NCKAP1: variants seen among roughly 807,000 people sequenced by gnomAD.
NCKAP1 encodes nck-associated protein 1.
Under a neutral mutation model 151.2 loss-of-function variants are expected in NCKAP1, and 21 were observed. The observed-to-expected ratio is 0.14, with a 90% confidence interval of 0.10 to 0.20. The LOEUF is 0.20. Among genes scored for constraint, NCKAP1 ranks in the 10% least tolerant of loss-of-function variants. NCKAP1 has a pLI of 1.00. For synonymous variants in NCKAP1, 484 were observed against 451.8 expected (o/e 1.07, Z -0.90); for missense variants, 933 against 1,352.1 (o/e 0.69, Z 4.86).
chr2:183,023,989 T>C, intron 1 of NCKAP1, 73 bp from the exon 2 acceptor site: 2 of 1,121,388 alleles, frequency 1.8e-6, no homozygotes, highest in African/African-American at 1.6e-5. Flanking sequence ...AATCTGCAAT[T>C]AGAAATTAAA....
chr2:183,011,032 G>A (rs1698581301), intron 2 of NCKAP1, among the ~76,000 whole-genome samples: 1 of 152,148 alleles, frequency 6.6e-6, no homozygotes, highest in Admixed American at 6.5e-5. Context: ...GGCCTCAGAT[G>A]CTACTGACTT....
chr2:183,029,820 C>CG (rs1454859751), intron 1 of NCKAP1, among the ~76,000 whole-genome samples: 1 of 78,236 alleles, frequency 1.3e-5, no homozygotes, highest in African/African-American at 6.4e-5. Flanking sequence ...GACCCTGACT[C>CG]GAAAAAAAAA....
At chr2:183,003,557 G>C (rs74370967) in intron 2 of NCKAP1, among the ~76,000 whole-genome samples, 1 of 151,838 alleles carries the variant, frequency 6.6e-6, no homozygotes, top group Non-Finnish European at 1.5e-5. Context: ...ACCAAATTGC[G>C]CTACTATTAA....
In NCKAP1 at chr2:182,911,437, G is replaced by A. The variant is rs2105784502; in HGVS notation, c.*14265C>T. ...TACTATATGAATAAGACCAAAAAATGGCCATCAGTTCATGACTTTATTAAC... is the reference window on the plus strand; with the variant it reads ...TACTATATGAATAAGACCAAAAAATAGCCATCAGTTCATGACTTTATTAAC... On this transcript the variant is annotated 3_prime_UTR_variant, in exon 31 of 31. Transcript: ENST00000361354. The A allele has an allele frequency of 6.6e-6, 1 of 152,164 alleles. No individual in the cohort carries two copies. Among genetic ancestry groups the A allele is most frequent in the African/African-American group, 2.4e-5 (1 of 41,516 alleles). The allele number at this position is 152,164 out of a possible 1,614,324, so 9.4% of individuals were successfully genotyped here.
In NCKAP1 at chr2:182,934,808, G is replaced by A; in HGVS notation, c.2803C>T (p.Leu935Phe). 1.3e-6 allele frequency: 2 copies of A among 1,488,180 alleles called. No homozygotes were observed. Among genetic ancestry groups the A allele is most frequent in the Non-Finnish European group, 1.9e-6 (2 of 1,071,564 alleles). 92.2% of individuals were successfully genotyped at this position (1,488,180 alleles called of 1,614,324 possible). ...RDVLSYHIPF[L>F]VSSIEDFKDH... The stretch of plus-strand genomic sequence containing the variant: ...TTAAAATCTTCAATTGAACTTACAA[G>A]AAAAGGAATGTGGTAGGATAAGACC... Residue 935 changes from leucine (L) to phenylalanine (F), a missense_variant, in exon 26 of 31, where the codon CTT becomes TTT. Coordinates refer to ENST00000361354, the MANE Select transcript of NCKAP1 (RefSeq NM_013436.5).
At chr2:182,981,984 CAAAT>C (rs1301871794) in intron 12 of NCKAP1, among the ~76,000 whole-genome samples, 3 of 148,552 alleles carry the variant, frequency 2.0e-5, no homozygotes, top group African/African-American at 7.4e-5. Context: ...CAAAAAATCT[CAAAT>C]AAAAGAAGAT....
At chr2:183,012,416 A>C (rs1698605765) in intron 2 of NCKAP1, among the ~76,000 whole-genome samples, 1 of 152,176 alleles carries the variant, frequency 6.6e-6, no homozygotes, top group African/African-American at 2.4e-5. Flanking sequence ...AATAAAGCTG[A>C]TGTTTAAATT....
intron 27 of NCKAP1, among the ~76,000 whole-genome samples, chr2:182,929,307 C>T (rs1696712276): frequency 6.6e-6 from 1 of 151,594 alleles, no homozygotes; most frequent in Non-Finnish European, 1.5e-5. Flanking sequence ...AATTATTCTG[C>T]AAAATCACCA....
At chr2:182,973,038 A>G (rs1016558806) in intron 15 of NCKAP1, among the ~76,000 whole-genome samples, 1 of 152,170 alleles carries the variant, frequency 6.6e-6, no homozygotes, top group African/African-American at 2.4e-5. Flanking sequence ...AGAAGAGTAG[A>G]TTTGGAATGT....
At chr2:182,936,619 T>C (rs975341636) in intron 24 of NCKAP1, among the ~76,000 whole-genome samples, 2 of 152,212 alleles carry the variant, frequency 1.3e-5, no homozygotes, top group Admixed American at 1.3e-4. Context: ...TTTAACTTTC[T>C]ACCTTCTGTG....
chr2:182,960,604 T>C (rs913556796), intron 18 of NCKAP1, among the ~76,000 whole-genome samples: 1 of 152,164 alleles, frequency 6.6e-6, no homozygotes, highest in African/African-American at 2.4e-5. Context: ...AAGACTTACA[T>C]GTTAGACCTA....
intron 1 of NCKAP1, among the ~76,000 whole-genome samples, chr2:183,026,165 A>T (rs1042167245): frequency 6.6e-6 from 1 of 152,214 alleles, no homozygotes; most frequent in African/African-American, 2.4e-5. Flanking sequence ...ATTTTGTCCA[A>T]GTCCAGTGGC....
chr2:182,959,343 T>C (rs2058112764), intron 18 of NCKAP1, among the ~76,000 whole-genome samples: 1 of 152,036 alleles, frequency 6.6e-6, no homozygotes, highest in Admixed American at 6.6e-5. Context: ...CTGGTACATC[T>C]TGTCACACCA....
At position 182,924,180 on chromosome 2, in the gene NCKAP1, C is replaced by A. The variant is rs1696596973; in HGVS notation, c.*1522G>T. 1 of 152,114 alleles carries A rather than the reference C, an allele frequency of 6.6e-6. No individual in the cohort carries two copies. Among genetic ancestry groups the A allele is most frequent in the African/African-American group, 2.4e-5 (1 of 41,430 alleles). 9.4% of individuals were successfully genotyped at this position (152,114 alleles called of 1,614,324 possible). ...AGTACAATTTTTCGACAGATAGTGA[C>A]AACTACTCCCTACTTTAAATATAGG... On this transcript the variant is annotated 3_prime_UTR_variant, in exon 31 of 31. Coordinates refer to ENST00000361354, the MANE Select transcript of NCKAP1 (RefSeq NM_013436.5).
rs923244375 is a variant in NCKAP1, at chr2:182,914,491, C to A, written c.*11211G>T. 1.2e-3 allele frequency: 19 copies of A among 16,018 alleles called. No homozygotes were observed. Among genetic ancestry groups the A allele is most frequent in the African/African-American group, 2.0e-3 (18 of 8,846 alleles). 1.0% of individuals were successfully genotyped at this position (16,018 alleles called of 1,614,324 possible). The stretch of plus-strand genomic sequence containing the variant: ...ACTCAGCATATCAAGCTTTAAAAAA[C>A]CAATTAAAAAATTAAAAGAGGAAAT... On this transcript the variant is annotated 3_prime_UTR_variant, in exon 31 of 31. Transcript: ENST00000361354.
chr2:182,935,206 G>C, intron 25 of NCKAP1, 87 bp downstream of exon 25: 1 of 896,416 alleles, frequency 1.1e-6, no homozygotes, highest in Non-Finnish European at 1.7e-6. Context: ...TCATTGCTAA[G>C]CATGAATCTG....
intron 6 of NCKAP1, among the ~76,000 whole-genome samples, chr2:182,998,616 G>A (rs906767598): frequency 6.6e-6 from 1 of 151,944 alleles, no homozygotes; most frequent in African/African-American, 2.4e-5. Context: ...GATTACCTGA[G>A]GTCTGGAATT....
chr2:182,928,958 G>T, intron 27 of NCKAP1, 59 bp from the exon 28 acceptor site: 2 of 1,131,330 alleles, frequency 1.8e-6, no homozygotes, highest in Non-Finnish European at 1.3e-6. Flanking sequence ...GTTAAGATTT[G>T]ATAATCTAAA....
Position 182,911,096 on chromosome 2 carries a change from T to G in NCKAP1, c.*14606A>C, listed in dbSNP as rs1312482199. On this transcript the variant is annotated 3_prime_UTR_variant, in exon 31 of 31. Transcript: ENST00000361354. ...CCTCACTAACTACCATTAGGTGTTC[T>G]TTCCTAAGAGTTAAACAGAAACCAG... 6.6e-6 allele frequency: 1 copy of G among 152,050 alleles called. No homozygotes were observed. Among genetic ancestry groups the G allele is most frequent in the African/African-American group, 2.4e-5 (1 of 41,402 alleles). The allele number at this position is 152,050 out of a possible 1,614,324, so 9.4% of individuals were successfully genotyped here. A position where few individuals can be genotyped will look rare whatever the true frequency, so the allele number is the denominator to read the frequency against.
Sources: allele counts gnomAD v4.1 joint callset (sites outside exome capture counted in the v4.1 genomes callset), GRCh38; gene constraint gnomAD v4.1.1; transcripts MANE v1.5; gene names NCBI Gene and HGNC (gene_info 2026-07-23, HGNC 2026-07-21).